The following NHS variants were observed in gnomAD, a reference collection of about 807,000 sequenced individuals.
NHS encodes actin remodeling regulator NHS.
Under a neutral mutation model 72.5 loss-of-function variants are expected in NHS, and 5 were observed. The observed-to-expected ratio is 0.07, with a 90% CI of 0.04 to 0.14. NHS has a LOEUF of 0.14. Ranked by LOEUF, NHS falls within the 10% of genes least tolerant of loss-of-function variation. NHS has a pLI of 1.00. For synonymous variants in NHS, 464 were observed against 547.7 expected (o/e 0.85, Z 2.13); for missense variants, 1,072 against 1,355.7 (o/e 0.79, Z 3.29).
chrX:17,509,710 G>T (rs1286887806), intron 1 of NHS, among the ~76,000 whole-genome samples: 5 of 112,334 alleles, frequency 4.5e-5, no homozygotes, highest in Non-Finnish European at 9.4e-5. Context: ...AGGTCACACA[G>T]CTTAAAGGTA....
intron 1 of NHS, among the ~76,000 whole-genome samples, chrX:17,453,175 C>T (rs986995558): frequency 1.8e-5 from 2 of 110,775 alleles, no homozygotes; most frequent in Non-Finnish European, 3.8e-5. Context: ...GACATACAGT[C>T]TCATTGATAT....
intron 1 of NHS, among the ~76,000 whole-genome samples, chrX:17,400,000 A>G (rs1238036232): frequency 8.9e-6 from 1 of 112,032 alleles, no homozygotes; most frequent in African/African-American, 3.2e-5. Flanking sequence ...TCCCCCTAAG[A>G]TTGGAAACAA....
intron 1 of NHS, among the ~76,000 whole-genome samples, chrX:17,644,346 A>AATTTCTC (rs1304279259): frequency 4.5e-5 from 5 of 112,070 alleles, no homozygotes; most frequent in Non-Finnish European, 9.4e-5. Flanking sequence ...AATTGCTTGC[A>AATTTCTC]ATTTCTCATC....
At chrX:17,627,842 C>A (rs1412672073) in intron 1 of NHS, among the ~76,000 whole-genome samples, 1 of 112,562 alleles carries the variant, frequency 8.9e-6, no homozygotes, top group Non-Finnish European at 1.9e-5. Flanking sequence ...AAATCCTCTT[C>A]TACCTGCTGG....
intron 1 of NHS, among the ~76,000 whole-genome samples, chrX:17,435,960 A>G (rs1314431946): frequency 9.0e-6 from 1 of 111,680 alleles, no homozygotes; most frequent in Non-Finnish European, 1.9e-5. Context: ...TGTTTTGCTC[A>G]TGTGTTTGGA....
intron 1 of NHS, among the ~76,000 whole-genome samples, chrX:17,520,791 T>C (rs2065144414): frequency 9.0e-6 from 1 of 111,259 alleles, no homozygotes; most frequent in Admixed American, 9.5e-5. Context: ...AAGTAGAGGG[T>C]GTTTTCATTT....
intron 1 of NHS, among the ~76,000 whole-genome samples, chrX:17,386,679 A>AAAAAAAG (rs2064411340): frequency 2.8e-5 from 3 of 108,839 alleles, no homozygotes; most frequent in African/African-American, 6.7e-5. Flanking sequence ...AAAAAAAAAA[A>AAAAAAAG]AAAAAGAAAA....
At position 17,734,530 on chromosome X, in the gene NHS, TG is replaced by T. The variant is rs1046318585; in HGVS notation, c.*2067del. 3.6e-5 allele frequency: 4 copies of T among 111,282 alleles called. No individual in the cohort carries two copies. Among genetic ancestry groups the T allele is most frequent in the African/African-American group, 1.3e-4 (4 of 30,442 alleles). 9.2% of individuals were successfully genotyped at this position (111,282 alleles called of 1,213,427 possible). A position where few individuals can be genotyped will look rare whatever the true frequency, so the allele number is the denominator to read the frequency against. ...GAGTGTGTATGGGTGTGTGTGAGTG[TG>T]AGTGTGTGTGTACGCACACACACTG... On this transcript the variant is annotated 3_prime_UTR_variant, in exon 9 of 9. Transcript: ENST00000676302.
chrX:17,491,188 A>C (rs1446787320), intron 1 of NHS, among the ~76,000 whole-genome samples: 1 of 111,718 alleles, frequency 9.0e-6, no homozygotes, highest in Non-Finnish European at 1.9e-5. Flanking sequence ...GAGAGAGGGC[A>C]TCCTTGTCTT....
chrX:17,723,772 C>CGCGT (rs2066422986), intron 5 of NHS, among the ~76,000 whole-genome samples: 2 of 11,498 alleles, frequency 1.7e-4, no homozygotes, highest in African/African-American at 3.9e-4. Context: ...TGTGTGTGTG[C>CGCGT]GCGCGCGTGC....
At chrX:17,469,619 A>G (rs2146901795) in intron 1 of NHS, among the ~76,000 whole-genome samples, 1 of 112,002 alleles carries the variant, frequency 8.9e-6, no homozygotes, top group Non-Finnish European at 1.9e-5. Context: ...AATTACAAAG[A>G]ACATATTGTT....
chrX:17,521,223 G>A (rs1232993309), intron 1 of NHS, among the ~76,000 whole-genome samples: 1 of 111,327 alleles, frequency 9.0e-6, no homozygotes, highest in Non-Finnish European at 1.9e-5. Flanking sequence ...GGATGGCAGG[G>A]GCAGGGTGGC....
chrX:17,705,318 A>C (rs1292938708), intron 3 of NHS: 2 of 112,065 alleles, frequency 1.8e-5, no homozygotes, highest in African/African-American at 3.3e-5. Flanking sequence ...GTTTAGTCTC[A>C]GTTCTTCAGT....
chrX:17,522,323 C>T (rs1298040675), intron 1 of NHS, among the ~76,000 whole-genome samples: 2 of 112,061 alleles, frequency 1.8e-5, no homozygotes, highest in African/African-American at 3.3e-5. Flanking sequence ...GATAAGGGGG[C>T]GGGAGGAAGA....
chrX:17,733,072 T>C lies in NHS; in HGVS notation c.*608T>C, dbSNP rs1426059135. 3.5e-5 allele frequency: 4 copies of C among 114,635 alleles called. No homozygotes were observed. Among genetic ancestry groups the C allele is most frequent in the African/African-American group, 1.3e-4 (4 of 30,941 alleles). 9.4% of individuals were successfully genotyped at this position (114,635 alleles called of 1,213,427 possible). On this transcript the variant is annotated 3_prime_UTR_variant, in exon 9 of 9. Coordinates refer to ENST00000676302, the MANE Select transcript of NHS (RefSeq NM_001291867.2). ...TACCATTTTCATATCAAATGCCATA[T>C]TTAAATGTCCACCAATATGATTTCT...
rs138689760 is a variant in NHS at position 17,588,155 on chromosome X, A to G, written c.566-99587A>G. ...ACATGGTTGCCTTGTTCTAAGCATCATATTCCAAAATAACACGGTTCAAAA... is the reference window on the plus strand; with the variant it reads ...ACATGGTTGCCTTGTTCTAAGCATCGTATTCCAAAATAACACGGTTCAAAA... On this transcript the variant is annotated intron_variant, in intron 1 of 8. Coordinates refer to ENST00000676302, the MANE Select transcript of NHS (RefSeq NM_001291867.2). 1.7e-4 allele frequency among the ~76,000 whole-genome samples: 19 copies of G among 111,835 alleles called. No individual in the cohort carries two copies. The Middle Eastern group carries it at 0.014, about 82-fold the overall frequency.
At position 17,734,704 on chromosome X, in the gene NHS, C is replaced by A. The variant is rs1027882838; in HGVS notation, c.*2240C>A. On this transcript the variant is annotated 3_prime_UTR_variant, in exon 9 of 9. Coordinates refer to ENST00000676302, the MANE Select transcript of NHS (RefSeq NM_001291867.2). ...TTAAGAAAACCAGCATGGTTTGACA[C>A]CACATGGGAACATGAATAAATCTGT... The A allele has an allele frequency of 3.5e-5, 4 of 112,794 alleles. No homozygotes were observed. Among genetic ancestry groups the A allele is most frequent in the African/African-American group, 1.3e-4 (4 of 30,907 alleles). The allele number at this position is 112,794 out of a possible 1,213,427, so 9.3% of individuals were successfully genotyped here. A position where few individuals can be genotyped will look rare whatever the true frequency, so the allele number is the denominator to read the frequency against.
chrX:17,430,265 TTCTTTC>T (rs1354908471), intron 1 of NHS, among the ~76,000 whole-genome samples: 1 of 38,610 alleles, frequency 2.6e-5, no homozygotes. Flanking sequence ...TTCTTTTTCT[TTCTTTC>T]TTTCTTTCTT....
intron 1 of NHS, among the ~76,000 whole-genome samples, chrX:17,662,308 T>C (rs756210408): frequency 1.8e-5 from 2 of 111,807 alleles, no homozygotes; most frequent in African/African-American, 6.5e-5. Context: ...GAGTCACAAG[T>C]AAGTCTGATG....
Sources: gnomAD v4.1 joint callset for allele counts (sites outside exome capture counted in the v4.1 genomes callset) on GRCh38, gnomAD v4.1.1 for gene constraint, MANE v1.5 for transcripts, NCBI Gene and HGNC (gene_info 2026-07-23, HGNC 2026-07-21) for gene names.